The following CLYBL variants were observed in gnomAD, a reference collection of about 807,000 sequenced individuals.
CLYBL encodes the protein citramalyl-CoA lyase, mitochondrial.
In CLYBL, 31 loss-of-function variants were observed where a neutral mutation model predicts 38.9. The ratio of observed to expected loss-of-function variants is 0.80; its 90% CI spans 0.60 to 1.08. CLYBL has a LOEUF of 1.08. Ranked by LOEUF, CLYBL falls within the 50% of genes least tolerant of loss-of-function variation. The pLI, the probability that CLYBL is intolerant of heterozygous loss-of-function variation, is 0.00. For missense variants in CLYBL, 434 were observed against 411.6 expected, an observed-to-expected ratio of 1.05 and a Z score of -0.47; for synonymous variants, 171 against 158.6, an observed-to-expected ratio of 1.08 and a Z score of -0.59.
At chr13:99,641,210 G>T (rs929558656) in intron 1 of CLYBL, among the ~76,000 whole-genome samples, 1 of 152,100 alleles carries the variant, frequency 6.6e-6, no homozygotes, top group African/African-American at 2.4e-5. Context: ...GTTTTTTGAT[G>T]ATTTTAAAAT....
intron 1 of CLYBL, among the ~76,000 whole-genome samples, chr13:99,634,417 C>G (rs535452565): frequency 1.2e-3 from 175 of 152,008 alleles, no homozygotes; most frequent in African/African-American, 4.1e-3. Context: ...AGAAATGAAC[C>G]AGAAATGATG....
intron 2 of CLYBL, among the ~76,000 whole-genome samples, chr13:99,805,995 C>T (rs1222942089): frequency 6.6e-6 from 1 of 152,152 alleles, no homozygotes; most frequent in Non-Finnish European, 1.5e-5. Context: ...AACTATTCCC[C>T]TACCATTGAA....
At chr13:99,734,566 C>T (rs1416782642) in intron 1 of CLYBL, among the ~76,000 whole-genome samples, 3 of 152,134 alleles carry the variant, frequency 2.0e-5, no homozygotes, top group Non-Finnish European at 4.4e-5. Flanking sequence ...TGAATAATAA[C>T]CAGGGCCCAT....
At chr13:99,850,914 T>G (rs2051314870) in intron 2 of CLYBL, among the ~76,000 whole-genome samples, 1 of 152,168 alleles carries the variant, frequency 6.6e-6, no homozygotes, top group South Asian at 2.1e-4. Flanking sequence ...CTTAGCGAAA[T>G]AACCAGAACC....
At chr13:99,895,270 T>A (rs2052560300), downstream of CLYBL, 1 of 152,122 alleles carries the variant, frequency 6.6e-6, no homozygotes, top group Non-Finnish European at 1.5e-5. Flanking sequence ...GGAAGGACCT[T>A]CCGCTTTTAT....
intron 1 of CLYBL, among the ~76,000 whole-genome samples, chr13:99,733,635 C>G (rs1486480623): frequency 1.3e-5 from 2 of 152,226 alleles, no homozygotes; most frequent in African/African-American, 4.8e-5. Context: ...AATATGGTTC[C>G]TTCCCTCAGA....
chr13:99,832,999 CATACATACAT>C lies in CLYBL; in HGVS notation c.250-25858_250-25849del, dbSNP rs1249028821. ...CATTTCATTAAGTAGTATATACATA[CATACATACAT>C]ATATATATATATATATATATATTTT... On this transcript the variant is annotated intron_variant, in intron 2 of 8. Coordinates refer to ENST00000339105, the MANE Select transcript of CLYBL (RefSeq NM_206808.5). 2.4e-4 allele frequency among the ~76,000 whole-genome samples: 13 copies of C among 53,706 alleles called. 2 individuals carry two copies. The highest frequency in any genetic ancestry group is 7.8e-4 in the East Asian group (1 of 1,286). The allele number at this position is 53,706 out of a possible 152,430, so 35.2% of individuals were successfully genotyped here.
chr13:99,716,469 C>G (rs1395743234), intron 1 of CLYBL, among the ~76,000 whole-genome samples: 2 of 149,524 alleles, frequency 1.3e-5, no homozygotes, highest in Non-Finnish European at 3.0e-5. Context: ...CTGCAACCTC[C>G]GCCTCCCGGG....
intron 1 of CLYBL, among the ~76,000 whole-genome samples, chr13:99,637,962 CTT>C (rs34513643): frequency 9.5e-5 from 9 of 94,992 alleles, no homozygotes; most frequent in Admixed American, 1.4e-4. Context: ...TCAACAGTGC[CTT>C]TTTTTTTTTT....
intron 2 of CLYBL, among the ~76,000 whole-genome samples, chr13:99,857,218 G>A (rs1006163348): frequency 2.0e-5 from 3 of 151,990 alleles, no homozygotes; most frequent in Admixed American, 6.5e-5. Flanking sequence ...AGGGGGCTGA[G>A]GCAGGAGAAT....
chr13:99,713,927 A>G (rs1455047597), intron 1 of CLYBL, among the ~76,000 whole-genome samples: 2 of 151,978 alleles, frequency 1.3e-5, no homozygotes, highest in African/African-American at 2.4e-5. Flanking sequence ...GGCTCAAGCA[A>G]TTTGCTTTCA....
At chr13:99,770,536 C>G (rs367703098) in intron 1 of CLYBL, among the ~76,000 whole-genome samples, 2 of 152,192 alleles carry the variant, frequency 1.3e-5, no homozygotes, top group African/African-American at 4.8e-5. Flanking sequence ...CGAGGATATT[C>G]TGGATCTCCT....
In CLYBL at chr13:99,737,640, G is replaced by A. The variant is rs759352199; in HGVS notation, c.63-35184G>A. On this transcript the variant is annotated intron_variant, in intron 1 of 8. Coordinates refer to ENST00000339105, the MANE Select transcript of CLYBL (RefSeq NM_206808.5). ...AGCATAGACTAGAGGAGTCATGTGC[G>A]CAAGAGTGTTGTTAATCACTATGCT... is the stretch of plus-strand genomic sequence containing the variant. Among the ~76,000 whole-genome samples, 7 of 152,274 alleles carry A rather than the reference G, an allele frequency of 4.6e-5. No homozygotes were observed. The East Asian group carries it at 5.8e-4, about 13-fold the overall frequency.
intron 3 of CLYBL, among the ~76,000 whole-genome samples, chr13:99,859,394 C>G (rs558064594): frequency 4.6e-5 from 7 of 152,288 alleles, no homozygotes; most frequent in Admixed American, 2.6e-4. Context: ...GGCCCTAAGC[C>G]AAGGCCTCCA....
chr13:99,754,416 C>CAAAAAAAAAAAAAAAAAA (rs1172376194), intron 1 of CLYBL, among the ~76,000 whole-genome samples: 3 of 71,880 alleles, frequency 4.2e-5, no homozygotes, highest in African/African-American at 1.7e-4. Flanking sequence ...GACCCTGTCT[C>CAAAAAAAAAAAAAAAAAA]AAAAAAAAAA....
intron 1 of CLYBL, among the ~76,000 whole-genome samples, chr13:99,651,707 G>A (rs2047256026): frequency 6.6e-6 from 1 of 152,156 alleles, no homozygotes; most frequent in Admixed American, 6.5e-5. Flanking sequence ...AGAGGTGGGT[G>A]GATCATGAGG....
chr13:99,608,626 A>G (rs1210975507), intron 1 of CLYBL, among the ~76,000 whole-genome samples: 2 of 152,102 alleles, frequency 1.3e-5, no homozygotes, highest in Non-Finnish European at 2.9e-5. Flanking sequence ...GAGCGCACAC[A>G]GTCCCCACGC....
At chr13:99,657,097 C>T (rs151057104) in intron 1 of CLYBL, among the ~76,000 whole-genome samples, 43 of 152,322 alleles carry the variant, frequency 2.8e-4, no homozygotes, top group Non-Finnish European at 5.1e-4. Flanking sequence ...TACATGCAGA[C>T]GTGCTTCATC....
intron 2 of CLYBL, among the ~76,000 whole-genome samples, chr13:99,779,377 A>G (rs1336084588): frequency 6.6e-6 from 1 of 152,080 alleles, no homozygotes; most frequent in Non-Finnish European, 1.5e-5. Flanking sequence ...TCCTGACCTC[A>G]GGTGATCCTG....
Sources: gnomAD v4.1 joint callset for allele counts (sites outside exome capture counted in the v4.1 genomes callset) on GRCh38, gnomAD v4.1.1 for gene constraint, MANE v1.5 for transcripts, NCBI Gene and HGNC (gene_info 2026-07-23, HGNC 2026-07-21) for gene names.